KCTD18: variants seen among roughly 807,000 people sequenced by gnomAD.
KCTD18 encodes the protein potassium channel tetramerization domain containing 18.
In KCTD18, 22 loss-of-function variants were observed where a neutral mutation model predicts 30.4. That is an observed-to-expected ratio of 0.72 (90% CI 0.52 to 1.03). The LOEUF (loss-of-function observed/expected upper bound fraction) is 1.03. Among genes scored for constraint, KCTD18 ranks in the 50% least tolerant of loss-of-function variants. KCTD18 has a pLI of 0.00. For missense variants in KCTD18, 529 were observed against 547.6 expected (o/e 0.97, Z 0.34); for synonymous variants, 186 against 209.0 (o/e 0.89, Z 0.95).
rs372353449 is a variant in KCTD18, at chr2:200,490,219, C to T, written c.1162G>A (p.Ala388Thr). ...GCCGTGGGGGAGGGCAGGCAAGGCGCGGTGGCGCACAGCGGAGTCCTCTTC... is the reference window on the plus strand; with the variant it reads ...GCCGTGGGGGAGGGCAGGCAAGGCGTGGTGGCGCACAGCGGAGTCCTCTTC... ...KLKRTPLCAT[A>T]PCLPSPTATR... Residue 388 changes from alanine (A) to threonine (T), a missense_variant, in exon 7 of 7, where the codon GCG becomes ACG. Transcript: ENST00000359878. 9 of 1,580,234 alleles carry T rather than the reference C, an allele frequency of 5.7e-6. No homozygotes were observed. Among genetic ancestry groups the T allele is most frequent in the African/African-American group, 5.4e-5 (4 of 74,636 alleles).
intron 2 of KCTD18, among the ~76,000 whole-genome samples, chr2:200,505,815 G>T (rs1184928237): frequency 6.6e-6 from 1 of 151,400 alleles, no homozygotes; most frequent in Non-Finnish European, 1.5e-5. Flanking sequence ...ACACTATGCT[G>T]GTACTACTTT....
chr2:200,493,930 A>C (rs1018763852), intron 5 of KCTD18, among the ~76,000 whole-genome samples: 2 of 152,242 alleles, frequency 1.3e-5, no homozygotes, highest in African/African-American at 4.8e-5. Flanking sequence ...CACTGTACAA[A>C]TATGAGACAT....
chr2:200,494,856 C>G (rs2087973576), intron 5 of KCTD18, among the ~76,000 whole-genome samples: 1 of 152,156 alleles, frequency 6.6e-6, no homozygotes, highest in African/African-American at 2.4e-5. Context: ...ATGTCCCCTC[C>G]ATATCCTTAG....
chr2:200,507,578 A>G (rs1316553417), intron 1 of KCTD18, among the ~76,000 whole-genome samples: 1 of 152,226 alleles, frequency 6.6e-6, no homozygotes, highest in Non-Finnish European at 1.5e-5. Flanking sequence ...TCAAAGGACT[A>G]TAAGAGGAAT....
intron 3 of KCTD18, among the ~76,000 whole-genome samples, chr2:200,500,603 T>A: frequency 6.7e-6 from 1 of 150,048 alleles, no homozygotes; most frequent in African/African-American, 2.5e-5. Flanking sequence ...CAAGGAGAAC[T>A]ACAAACCACT....
At chr2:200,505,741 G>A (rs554668373) in intron 2 of KCTD18, among the ~76,000 whole-genome samples, 2 of 152,204 alleles carry the variant, frequency 1.3e-5, no homozygotes, top group East Asian at 1.9e-4. Context: ...AGGCATGCCA[G>A]ATGATTCGAA....
chr2:200,492,914 C>T, intron 6 of KCTD18, among the ~76,000 whole-genome samples: 1 of 98,884 alleles, frequency 1.0e-5, no homozygotes, highest in South Asian at 2.8e-4. Context: ...CCACTGTGTC[C>T]ACTAGTAATT....
chr2:200,489,987 T>C lies in KCTD18; in HGVS notation c.*113A>G. 1 of 1,136,202 alleles carries C rather than the reference T, an allele frequency of 8.8e-7. No homozygotes were observed. The highest frequency in any genetic ancestry group is 1.2e-6 in the Non-Finnish European group (1 of 827,932). The allele number at this position is 1,136,202 out of a possible 1,614,324, so 70.4% of individuals were successfully genotyped here. A position where few individuals can be genotyped will look rare whatever the true frequency, so the allele number is the denominator to read the frequency against. On this transcript the variant is annotated 3_prime_UTR_variant, in exon 7 of 7. Coordinates refer to ENST00000359878, the MANE Select transcript of KCTD18 (RefSeq NM_152387.4). Reference sequence around the variant, plus strand: ...TCACACAATTCCAGGAACAGAATCCTCAACATAAACCTAAGCTTCCCCTCT... The same window carrying C: ...TCACACAATTCCAGGAACAGAATCCCCAACATAAACCTAAGCTTCCCCTCT...
intron 5 of KCTD18, among the ~76,000 whole-genome samples, chr2:200,495,127 C>G (rs1341602774): frequency 1.3e-5 from 2 of 152,104 alleles, no homozygotes; most frequent in African/African-American, 4.8e-5. Flanking sequence ...ATAAGGGAAT[C>G]AAAGTCACTC....
rs778803555 is a variant in KCTD18, at chr2:200,506,853, T to C, written c.160+4A>G. ...GATCATGCTTTCAGACTTTAGACAT[T>C]TACCTGACTCATCTGTTTTTAGAGG... is the stretch of plus-strand genomic sequence containing the variant. On this transcript the variant is annotated splice_donor_region_variant and intron_variant, in intron 2 of 6. Coordinates refer to ENST00000359878, the MANE Select transcript of KCTD18 (RefSeq NM_152387.4). The C allele has an allele frequency of 3.1e-6, 5 of 1,613,046 alleles. No homozygotes were observed. The highest frequency in any genetic ancestry group is 1.3e-5 in the African/African-American group (1 of 74,962).
intron 5 of KCTD18, among the ~76,000 whole-genome samples, chr2:200,493,697 C>T (rs140740385): frequency 1.3e-5 from 2 of 152,164 alleles, no homozygotes. Flanking sequence ...CCTTGAAGGA[C>T]CACTGTGATG....
At chr2:200,499,393 T>G (rs1432673823) in intron 3 of KCTD18, among the ~76,000 whole-genome samples, 4 of 152,218 alleles carry the variant, frequency 2.6e-5, no homozygotes, top group African/African-American at 7.2e-5. Context: ...ACATCACTTT[T>G]AATTTTATCA....
chr2:200,493,218 G>A lies in KCTD18; in HGVS notation c.718C>T (p.Arg240Trp), dbSNP rs377566618. 6.1e-5 allele frequency: 98 copies of A among 1,613,210 alleles called. No homozygotes were observed. Among genetic ancestry groups the A allele is most frequent in the South Asian group, 9.9e-5 (9 of 91,060 alleles). The change falls in exon 6 of 7, where the codon CGG (arginine) becomes TGG (tryptophan). Residue 240 changes from arginine to tryptophan, a missense_variant. By Grantham distance (101) the Arg-to-Trp change is moderately radical. Transcript: ENST00000359878. ...ELIECWTLEE[R>W]PLLGSLRHMA... is the part of the protein sequence containing the mutation. ...TGACGCAGGCTTCCAAGTAAAGGCC[G>A]TTCTTCTAGAGTCCAACACTCTATC...
chr2:200,505,002 G>C (rs763423879), intron 2 of KCTD18, 43 bp from the exon 3 acceptor site: 1 of 1,475,552 alleles, frequency 6.8e-7, no homozygotes, highest in Admixed American at 1.8e-5. Context: ...AGATTCTGTC[G>C]ATCAATAAGA....
At position 200,490,633 on chromosome 2, in the gene KCTD18, G is replaced by T. The variant is rs200312807; in HGVS notation, c.765-17C>A. 6.4e-7 allele frequency: 1 copy of T among 1,559,572 alleles called. No homozygotes were observed. The highest frequency in any genetic ancestry group is 1.8e-5 in the Admixed American group (1 of 54,870). The stretch of plus-strand genomic sequence containing the variant: ...ATCAGTCGCCTAGAAATACAGAAGC[G>T]TGTCATTTTCCACATGTATAGTTTT... On this transcript the variant is annotated splice_polypyrimidine_tract_variant and intron_variant, in intron 6 of 6. Transcript: ENST00000359878.
At chr2:200,493,672 C>T (rs550068067) in intron 5 of KCTD18, among the ~76,000 whole-genome samples, 299 of 152,254 alleles carry the variant, frequency 2.0e-3, no homozygotes, top group African/African-American at 6.7e-3. Flanking sequence ...GAAATGATGA[C>T]AATAATAGTA....
chr2:200,491,065 C>T (rs530712031), intron 6 of KCTD18, among the ~76,000 whole-genome samples: 8 of 152,264 alleles, frequency 5.3e-5, no homozygotes, highest in South Asian at 2.1e-4. Context: ...ATGTCCCCCC[C>T]GAAGCTCATG....
intron 3 of KCTD18, among the ~76,000 whole-genome samples, chr2:200,502,608 C>G (rs1273727941): frequency 2.0e-5 from 3 of 152,228 alleles, no homozygotes; most frequent in Non-Finnish European, 2.9e-5. Flanking sequence ...TAAGTTCCTA[C>G]TCTGAGCTGA....
chr2:200,490,625 A>G lies in KCTD18; in HGVS notation c.765-9T>C, dbSNP rs534708442. 7 of 1,568,264 alleles carry G rather than the reference A, an allele frequency of 4.5e-6. No individual in the cohort carries two copies. The Admixed American group carries it at 1.1e-4, about 24-fold the overall frequency. On this transcript the variant is annotated splice_polypyrimidine_tract_variant and intron_variant, in intron 6 of 6. Transcript: ENST00000359878. ...TGAACGTTATCAGTCGCCTAGAAAT[A>G]CAGAAGCGTGTCATTTTCCACATGT...
Sources: allele counts gnomAD v4.1 joint callset (sites outside exome capture counted in the v4.1 genomes callset), GRCh38; gene constraint gnomAD v4.1.1; transcripts MANE v1.5; gene names NCBI Gene and HGNC (gene_info 2026-07-23, HGNC 2026-07-21).